STIM1: variants seen among roughly 807,000 people sequenced by gnomAD.
STIM1 encodes stromal interaction molecule 1.
STIM1 carries 25 observed loss-of-function variants against 74.7 expected under a neutral mutation model. That is an observed-to-expected ratio of 0.33 (90% CI 0.24 to 0.47). STIM1 has a LOEUF of 0.47. Ranked by LOEUF, STIM1 falls within the 20% of genes least tolerant of loss-of-function variation. STIM1 has a pLI of 1.00. For missense variants in STIM1, 728 were observed against 920.8 expected (o/e 0.79, Z 2.71); for synonymous variants, 328 against 348.8 (o/e 0.94, Z 0.66).
intron 2 of STIM1, among the ~76,000 whole-genome samples, chr11:4,015,617 T>G (rs2093888456): frequency 1.3e-5 from 2 of 152,258 alleles, no homozygotes; most frequent in Non-Finnish European, 2.9e-5. Context: ...GAAGTTCTCC[T>G]GGATAATATC....
intron 2 of STIM1, among the ~76,000 whole-genome samples, chr11:3,980,035 G>A (rs117502510): frequency 1.7e-3 from 259 of 152,178 alleles, no homozygotes; most frequent in Non-Finnish European, 2.7e-3. Context: ...TCTATCGCTC[G>A]ATTTAGCACT....
intron 12 of STIM1, among the ~76,000 whole-genome samples, chr11:4,088,295 C>T (rs539339931): frequency 5.3e-5 from 8 of 152,292 alleles, no homozygotes; most frequent in African/African-American, 1.9e-4. Flanking sequence ...ATGGTGACCA[C>T]AGCCCAGTCC....
At chr11:3,866,892 A>G (rs1447579673) in intron 1 of STIM1, among the ~76,000 whole-genome samples, 2 of 152,124 alleles carry the variant, frequency 1.3e-5, no homozygotes, top group East Asian at 3.8e-4. Context: ...TATTATTATT[A>G]TTATTTTTGA....
chr11:3,857,944 TAGAG>T (rs1255582205), intron 1 of STIM1, among the ~76,000 whole-genome samples: 1 of 152,244 alleles, frequency 6.6e-6, no homozygotes, highest in East Asian at 1.9e-4. Flanking sequence ...TGTCTCTCCA[TAGAG>T]AGTCTCCTTG....
At chr11:3,916,493 C>A (rs2092646031) in intron 1 of STIM1, among the ~76,000 whole-genome samples, 1 of 150,916 alleles carries the variant, frequency 6.6e-6, no homozygotes, top group Admixed American at 6.6e-5. Context: ...TCTTGTCCCC[C>A]AGGGTGGAGT....
chr11:4,077,549 T>C (rs2094443862), intron 7 of STIM1, among the ~76,000 whole-genome samples: 1 of 152,178 alleles, frequency 6.6e-6, no homozygotes, highest in African/African-American at 2.4e-5. Context: ...CCTTGACACA[T>C]ATAGAACACT....
At chr11:4,040,058 C>T (rs556036693) in intron 3 of STIM1, among the ~76,000 whole-genome samples, 1,143 of 85,104 alleles carry the variant, frequency 0.013, 11 homozygotes, top group Admixed American at 0.023. Flanking sequence ...TGTAAGCCAC[C>T]GTGCTCAGCC....
At chr11:3,956,998 C>T (rs1397905120) in intron 1 of STIM1, among the ~76,000 whole-genome samples, 1 of 152,048 alleles carries the variant, frequency 6.6e-6, no homozygotes, top group Non-Finnish European at 1.5e-5. Context: ...CGACTGCTCT[C>T]GTGGACCTTA....
intron 6 of STIM1, among the ~76,000 whole-genome samples, chr11:4,070,933 C>T (rs1027186955): frequency 6.6e-6 from 1 of 152,116 alleles, no homozygotes. Context: ...AAAACTTACA[C>T]ACCCACAAGA....
At chr11:3,879,919 A>G (rs887133106) in intron 1 of STIM1, among the ~76,000 whole-genome samples, 6 of 152,132 alleles carry the variant, frequency 3.9e-5, no homozygotes, top group African/African-American at 1.4e-4. Flanking sequence ...CTGGGTTGCT[A>G]TTGCCGAGAG....
intron 2 of STIM1, among the ~76,000 whole-genome samples, chr11:4,019,870 G>A: frequency 6.6e-6 from 1 of 152,174 alleles, no homozygotes; most frequent in Non-Finnish European, 1.5e-5. Flanking sequence ...ACCCTACTGT[G>A]CAATGGAACA....
intron 1 of STIM1, chr11:3,892,575 G>GAAACAGT: frequency 6.2e-7 from 1 of 1,601,692 alleles, no homozygotes; most frequent in Non-Finnish European, 8.6e-7. Context: ...TTTGTGTTGG[G>GAAACAGT]TCCAGCATTT....
At chr11:3,935,325 G>C (rs11030327) in intron 1 of STIM1, among the ~76,000 whole-genome samples, 6,157 of 152,292 alleles carry the variant, frequency 0.04, 257 homozygotes, top group East Asian at 0.18. Context: ...TGTCAGGTGA[G>C]GCTAGACACT....
rs117167113 is a variant in STIM1 at position 3,988,280 on chromosome 11, T to A, written c.270+20598T>A. ...GCCAGAGCAGAGGGTGGATTTATTA[T>A]ATCTAGTCCAGGGATCAGCAAACTG... On this transcript the variant is annotated intron_variant, in intron 2 of 12. Coordinates refer to ENST00000526596, the MANE Select transcript of STIM1 (RefSeq NM_001382567.1). 3.2e-3 allele frequency among the ~76,000 whole-genome samples: 493 copies of A among 152,318 alleles called. 2 individuals are homozygous for A. The highest frequency in any genetic ancestry group is 6.1e-3 in the Non-Finnish European group (415 of 68,030).
At chr11:4,086,755 G>C (rs2094496221) in intron 12 of STIM1, 1 of 1,537,052 alleles carries the variant, frequency 6.5e-7, no homozygotes, top group Non-Finnish European at 8.7e-7. Context: ...TGTCCACCCT[G>C]TTTATTACCA....
intron 1 of STIM1, chr11:3,892,842 G>T: frequency 1.2e-6 from 2 of 1,610,054 alleles, no homozygotes; most frequent in Non-Finnish European, 1.7e-6. Context: ...TGGCCCAAGG[G>T]CTCGCTGTTG....
intron 2 of STIM1, chr11:3,972,820 A>G: frequency 6.4e-6 from 3 of 471,698 alleles, no homozygotes; most frequent in South Asian, 3.1e-5. Context: ...TGCCACTGCC[A>G]TAGCTACTGA....
At chr11:4,089,377 C>A (rs575817680) in intron 12 of STIM1, among the ~76,000 whole-genome samples, 6 of 152,266 alleles carry the variant, frequency 3.9e-5, no homozygotes, top group African/African-American at 1.4e-4. Flanking sequence ...GCTTAGAGGA[C>A]CCTTTTTCTC....
chr11:3,964,188 T>G (rs995551616), intron 1 of STIM1, among the ~76,000 whole-genome samples: 2 of 152,230 alleles, frequency 1.3e-5, no homozygotes, highest in Non-Finnish European at 2.9e-5. Flanking sequence ...GTCCAGGCTT[T>G]TTCACTGTAG....
Sources: allele counts gnomAD v4.1 joint callset (sites outside exome capture counted in the v4.1 genomes callset), GRCh38; gene constraint gnomAD v4.1.1; transcripts MANE v1.5; gene names NCBI Gene and HGNC (gene_info 2026-07-23, HGNC 2026-07-21).